The following ZDHHC3 variants were observed in gnomAD, a reference collection of about 807,000 sequenced individuals.
ZDHHC3 encodes palmitoyltransferase ZDHHC3.
ZDHHC3 carries 9 observed loss-of-function variants against 30.6 expected under a neutral mutation model. The observed-to-expected ratio is 0.29, with a 90% CI of 0.18 to 0.51. The LOEUF (loss-of-function observed/expected upper bound fraction) is 0.51. ZDHHC3 is among the 20% of genes least tolerant of loss of function. The probability of loss-of-function intolerance (pLI) is 0.97; values close to 1 mark genes in which losing one functional copy is unlikely to be tolerated. For synonymous variants in ZDHHC3, 136 were observed against 140.2 expected, an observed-to-expected ratio of 0.97 and a Z score of 0.21; for missense variants, 246 against 384.2, an observed-to-expected ratio of 0.64 and a Z score of 3.01.
intron 1 of ZDHHC3, among the ~76,000 whole-genome samples, chr3:44,970,739 C>T (rs763311429): frequency 1.3e-5 from 2 of 152,208 alleles, no homozygotes; most frequent in Non-Finnish European, 2.9e-5. Context: ...AAAATTACGA[C>T]TTCCTTTTGT....
intron 5 of ZDHHC3, among the ~76,000 whole-genome samples, chr3:44,930,116 T>C (rs1187166096): frequency 6.6e-6 from 1 of 152,232 alleles, no homozygotes; most frequent in Non-Finnish European, 1.5e-5. Context: ...GCACTTTCAC[T>C]GTCCTGGCCT....
intron 3 of ZDHHC3, among the ~76,000 whole-genome samples, chr3:44,941,757 TAAAA>T (rs199887044): frequency 8.5e-6 from 1 of 117,310 alleles, no homozygotes; most frequent in African/African-American, 3.2e-5. Flanking sequence ...GCTGATGAGC[TAAAA>T]AAAAAAAAAA....
In ZDHHC3 at chr3:44,920,163, G is replaced by T. The variant is rs1224262422; in HGVS notation, c.*6526C>A. 7.9e-7 allele frequency: 1 copy of T among 1,267,064 alleles called. No individual in the cohort carries two copies. The highest frequency in any genetic ancestry group is 1.0e-6 in the Non-Finnish European group (1 of 972,968). 78.5% of individuals were successfully genotyped at this position (1,267,064 alleles called of 1,614,324 possible). On this transcript the variant is annotated 3_prime_UTR_variant, in exon 7 of 7. Coordinates refer to ENST00000424952, the MANE Select transcript of ZDHHC3 (RefSeq NM_001135179.2). ...AACAAAAATAGTTGTTTCAGAAAATGGATCTTGTTGACACAAGTCTAAAGG... is the reference window on the plus strand; with the variant it reads ...AACAAAAATAGTTGTTTCAGAAAATTGATCTTGTTGACACAAGTCTAAAGG...
chr3:44,926,549 T>C lies in ZDHHC3; in HGVS notation c.*140A>G, dbSNP rs1701007151. ...GGACTTTTTTTTTTCTCTGCAATGC[T>C]CAGCCATTTTACTTGAGACATAAAA... On this transcript the variant is annotated 3_prime_UTR_variant, in exon 7 of 7. Transcript: ENST00000424952. 7.9e-7 allele frequency: 1 copy of C among 1,264,042 alleles called. No individual in the cohort carries two copies. 78.3% of individuals were successfully genotyped at this position (1,264,042 alleles called of 1,614,324 possible). A position where few individuals can be genotyped will look rare whatever the true frequency, so the allele number is the denominator to read the frequency against.
Position 44,959,967 on chromosome 3 carries a change from T to G in ZDHHC3, c.-24-507A>C, listed in dbSNP as rs1372760227. On this transcript the variant is annotated intron_variant, in intron 1 of 6. Transcript: ENST00000424952. This position sits in a 1 kb window ranked among gnomAD's most constrained non-coding sequence, Gnocchi z 4.3. ...TTGTAGAGATGGGGTTTTGCCATGT[T>G]GCCCAGGCTGATCTCAAACTCCTGA... Among the ~76,000 whole-genome samples, 2 of 152,214 alleles carry G rather than the reference T, an allele frequency of 1.3e-5. No individual in the cohort carries two copies. Among genetic ancestry groups the G allele is most frequent in the African/African-American group, 4.8e-5 (2 of 41,452 alleles).
Position 44,933,172 on chromosome 3 carries a change from C to A in ZDHHC3, c.556G>T (p.Ala186Ser), listed in dbSNP as rs760297347. 6.2e-7 allele frequency: 1 copy of A among 1,614,110 alleles called. No homozygotes were observed. The highest frequency in any genetic ancestry group is 8.5e-7 in the Non-Finnish European group (1 of 1,180,010). Reference protein sequence around the residue: ...TMYIALISLHALIMVGFHFLH... With the variant: ...TMYIALISLHSLIMVGFHFLH... ...AAGTGGAATCCCACCATGATGAGGG[C>A]GTGCAAGGAAATGAGAGCTATGTAC... The change falls in exon 5 of 7, where the codon GCC becomes TCC. Residue 186 changes from alanine (A) to serine (S), a missense_variant. Transcript: ENST00000424952.
intron 2 of ZDHHC3, chr3:44,958,611 A>T (rs1311751119): frequency 2.0e-6 from 3 of 1,536,180 alleles, no homozygotes; most frequent in Non-Finnish European, 1.7e-6. Context: ...CTGCGGCCTG[A>T]AACAGGCTTG....
At chr3:44,934,571 CAAAAA>C (rs55841069) in intron 3 of ZDHHC3, among the ~76,000 whole-genome samples, 6 of 95,588 alleles carry the variant, frequency 6.3e-5, no homozygotes, top group African/African-American at 7.9e-5. Flanking sequence ...TCCATTTAGC[CAAAAA>C]AAAAAAAAAA....
intron 6 of ZDHHC3, 125 bp from the exon 7 acceptor site, chr3:44,926,972 C>A (rs1209719700): frequency 7.9e-7 from 1 of 1,259,690 alleles, no homozygotes. Context: ...AGCTATCTAC[C>A]TAATATATCT....
rs144116404 is a variant in ZDHHC3, at chr3:44,931,646, T to C, written c.610+1472A>G. ...CTGTGCCTTCCCAGCCTAGCTGCCA[T>C]AGAAGCTGGGTGCCTGAAGCTCACT... On this transcript the variant is annotated intron_variant, in intron 5 of 6. Coordinates refer to ENST00000424952, the MANE Select transcript of ZDHHC3 (RefSeq NM_001135179.2). Among the ~76,000 whole-genome samples, 79 of 152,244 alleles carry C rather than the reference T, an allele frequency of 5.2e-4. No homozygotes were observed. The East Asian group carries it at 0.013, about 25-fold the overall frequency.
chr3:44,923,428 T>G lies in ZDHHC3; in HGVS notation c.*3261A>C. On this transcript the variant is annotated 3_prime_UTR_variant, in exon 7 of 7. Coordinates refer to ENST00000424952, the MANE Select transcript of ZDHHC3 (RefSeq NM_001135179.2). Reference sequence around the variant, plus strand: ...TTGTTAATTTACCTCACCTAAACGGTTTCTGCATTAGGGGACGGTGGATTC... The same window carrying G: ...TTGTTAATTTACCTCACCTAAACGGGTTCTGCATTAGGGGACGGTGGATTC... 1 of 985,246 alleles carries G rather than the reference T, an allele frequency of 1.0e-6. No homozygotes were observed. Among genetic ancestry groups the G allele is most frequent in the Non-Finnish European group, 1.2e-6 (1 of 829,896 alleles). 61.0% of individuals were successfully genotyped at this position (985,246 alleles called of 1,614,324 possible).
chr3:44,945,004 CTCACAGTGA>C (rs1471962979), intron 3 of ZDHHC3, among the ~76,000 whole-genome samples, 155 bp downstream of exon 3: 14 of 152,224 alleles, frequency 9.2e-5, no homozygotes, highest in Non-Finnish European at 2.1e-4. Flanking sequence ...AGGAAGGAGA[CTCACAGTGA>C]TCACTCTCTG....
chr3:44,957,143 T>C (rs147648640), intron 2 of ZDHHC3, among the ~76,000 whole-genome samples: 1 of 152,318 alleles, frequency 6.6e-6, no homozygotes, highest in East Asian at 1.9e-4. Flanking sequence ...ACCACCTTGA[T>C]CTAAAGTAGT....
intron 2 of ZDHHC3, chr3:44,958,484 G>GT: frequency 1.0e-6 from 1 of 967,580 alleles, no homozygotes; most frequent in Non-Finnish European, 1.6e-6. Context: ...AGAACAGAGG[G>GT]TTTAATACCA....
intron 2 of ZDHHC3, among the ~76,000 whole-genome samples, chr3:44,957,241 C>A (rs567307307): frequency 7.2e-5 from 11 of 152,296 alleles, no homozygotes; most frequent in Non-Finnish European, 1.3e-4. Context: ...CCAAAATACC[C>A]TGTTCAATCA....
intron 2 of ZDHHC3, among the ~76,000 whole-genome samples, chr3:44,946,808 G>A (rs373642200): frequency 5.6e-4 from 86 of 152,290 alleles, no homozygotes; most frequent in African/African-American, 1.9e-3. Flanking sequence ...CAGTGTCAGC[G>A]GGGAGGCCGG....
chr3:44,946,716 A>G (rs1702970051), intron 2 of ZDHHC3, among the ~76,000 whole-genome samples: 1 of 152,184 alleles, frequency 6.6e-6, no homozygotes, highest in Non-Finnish European at 1.5e-5. Flanking sequence ...AGAGGAGGGC[A>G]TGAGTAATGA....
chr3:44,937,100 A>C (rs1452777240), intron 3 of ZDHHC3, among the ~76,000 whole-genome samples: 5 of 152,076 alleles, frequency 3.3e-5, no homozygotes. Flanking sequence ...ACAGGTTGAA[A>C]TGCTATAAAC....
intron 3 of ZDHHC3, among the ~76,000 whole-genome samples, chr3:44,934,190 A>G (rs1303457910): frequency 3.3e-5 from 5 of 152,100 alleles, no homozygotes; most frequent in Admixed American, 6.5e-5. Context: ...ACGGGTACAG[A>G]GTCATTCTCC....
Sources: gnomAD v4.1 joint callset for allele counts (sites outside exome capture counted in the v4.1 genomes callset) on GRCh38, gnomAD v4.1.1 for gene constraint, Gnocchi (gnomAD v3.1) non-coding constraint, MANE v1.5 for transcripts, NCBI Gene and HGNC (gene_info 2026-07-23, HGNC 2026-07-21) for gene names.